DNM3: variants seen among roughly 807,000 people sequenced by gnomAD.
DNM3 encodes dynamin-3.
DNM3 carries 47 observed loss-of-function variants against 101.6 expected under a neutral mutation model. The ratio of observed to expected loss-of-function variants is 0.46; its 90% CI spans 0.37 to 0.59. The LOEUF (loss-of-function observed/expected upper bound fraction) is 0.59. DNM3 is among the 20% of genes least tolerant of loss of function. The pLI, the probability that DNM3 is intolerant of heterozygous loss-of-function variation, is 0.00. For synonymous variants in DNM3, 385 were observed against 387.9 expected (o/e 0.99, Z 0.09); for missense variants, 849 against 1,085.7 (o/e 0.78, Z 3.06).
At chr1:171,980,647 C>A (rs2044720015) in intron 2 of DNM3, among the ~76,000 whole-genome samples, 1 of 152,098 alleles carries the variant, frequency 6.6e-6, no homozygotes, top group Non-Finnish European at 1.5e-5. Flanking sequence ...CACTATTCTA[C>A]TCTCTAATTC....
intron 15 of DNM3, among the ~76,000 whole-genome samples, chr1:172,256,660 T>C (rs1473723894): frequency 6.6e-6 from 1 of 151,974 alleles, no homozygotes; most frequent in East Asian, 1.9e-4. Context: ...TGTATATTTT[T>C]TCTATTCCAA....
At chr1:172,324,343 T>C (rs1220478782) in intron 17 of DNM3, among the ~76,000 whole-genome samples, 2 of 152,206 alleles carry the variant, frequency 1.3e-5, no homozygotes, top group Non-Finnish European at 2.9e-5. Context: ...GCCATACATA[T>C]AGAATGTAAA....
chr1:172,158,711 G>C (rs1212174755), intron 14 of DNM3, among the ~76,000 whole-genome samples: 1 of 151,974 alleles, frequency 6.6e-6, no homozygotes, highest in Non-Finnish European at 1.5e-5. Flanking sequence ...AAAAGATACT[G>C]TTTGGGTTTG....
rs764488489 is a variant in DNM3, at chr1:172,387,305, T to C, written c.2231T>C (p.Val744Ala). 55 of 1,613,724 alleles carry C rather than the reference T, an allele frequency of 3.4e-5. No individual in the cohort carries two copies. The highest frequency in any genetic ancestry group is 4.7e-5 in the Non-Finnish European group (55 of 1,179,848). ...ATTGGGGACATCAGCACAGCCACCGTGTCCACTCCGGCACCCCCTCCAGTG... is the reference window on the plus strand; with the variant it reads ...ATTGGGGACATCAGCACAGCCACCGCGTCCACTCCGGCACCCCCTCCAGTG... Reference protein sequence around the residue: ...GIIGDISTATVSTPAPPPVDD... With the variant: ...GIIGDISTATASTPAPPPVDD... The change falls in exon 19 of 21, where the codon GTG becomes GCG. Residue 744 changes from valine (V) to alanine (A), a missense_variant. Coordinates refer to ENST00000627582, the MANE Select transcript of DNM3 (RefSeq NM_015569.5).
chr1:171,873,868 C>T (rs1051012005), intron 1 of DNM3, among the ~76,000 whole-genome samples: 3 of 152,194 alleles, frequency 2.0e-5, no homozygotes, highest in African/African-American at 4.8e-5. Flanking sequence ...TCCTTTACTT[C>T]CTAATGGATT....
At chr1:172,399,784 A>G (rs1424638233) in intron 20 of DNM3, 1 of 152,128 alleles carries the variant, frequency 6.6e-6, no homozygotes. Flanking sequence ...AATAGAAGTG[A>G]CAGAAGCCTA....
chr1:172,122,316 C>T (rs890298286), intron 13 of DNM3, among the ~76,000 whole-genome samples: 1 of 152,074 alleles, frequency 6.6e-6, no homozygotes, highest in Non-Finnish European at 1.5e-5. Flanking sequence ...CTAATAGGTA[C>T]TAATCTAAAT....
chr1:171,982,781 G>A (rs2125594489), intron 2 of DNM3, among the ~76,000 whole-genome samples: 1 of 152,130 alleles, frequency 6.6e-6, no homozygotes, highest in East Asian at 1.9e-4. Flanking sequence ...TGGTTAACAA[G>A]TAAACCACAT....
intron 1 of DNM3, among the ~76,000 whole-genome samples, chr1:171,916,536 A>C (rs961015638): frequency 5.3e-5 from 8 of 152,182 alleles, no homozygotes; most frequent in African/African-American, 1.7e-4. Context: ...TCCACATCAA[A>C]GCAATCATTA....
chr1:172,213,303 T>G (rs1572972868), intron 14 of DNM3, among the ~76,000 whole-genome samples: 1 of 152,030 alleles, frequency 6.6e-6, no homozygotes, highest in African/African-American at 2.4e-5. Flanking sequence ...AATGACTTCT[T>G]TGCAGAAACT....
At chr1:171,934,758 C>T (rs1485343363) in intron 2 of DNM3, among the ~76,000 whole-genome samples, 1 of 152,176 alleles carries the variant, frequency 6.6e-6, no homozygotes, top group African/African-American at 2.4e-5. Flanking sequence ...GTGTCCAATG[C>T]AGTGACTTTG....
intron 15 of DNM3, among the ~76,000 whole-genome samples, chr1:172,298,671 G>A (rs745466800): frequency 2.0e-5 from 3 of 152,022 alleles, no homozygotes; most frequent in African/African-American, 7.2e-5. Flanking sequence ...AGAGGAAATG[G>A]AACACTCCTA....
intron 20 of DNM3, among the ~76,000 whole-genome samples, chr1:172,398,671 A>C (rs1292334883): frequency 1.3e-5 from 2 of 152,168 alleles, no homozygotes; most frequent in Non-Finnish European, 2.9e-5. Context: ...TACAGCCTCC[A>C]TGGTCAGTAC....
chr1:172,198,965 G>T (rs913301488), intron 14 of DNM3, among the ~76,000 whole-genome samples: 3 of 151,890 alleles, frequency 2.0e-5, no homozygotes, highest in African/African-American at 7.2e-5. Context: ...GGATTGATTT[G>T]TTCTTGCTTC....
At chr1:172,220,297 C>G (rs553521883) in intron 14 of DNM3, among the ~76,000 whole-genome samples, 116 of 152,250 alleles carry the variant, frequency 7.6e-4, no homozygotes, top group Non-Finnish European at 1.3e-3. Flanking sequence ...AAATACCAGC[C>G]TTCTGATATA....
intron 1 of DNM3, among the ~76,000 whole-genome samples, chr1:171,881,121 T>C (rs1467532850): frequency 3.3e-5 from 5 of 152,182 alleles, no homozygotes; most frequent in Non-Finnish European, 4.4e-5. Flanking sequence ...TTCCTAATAA[T>C]TGTATAATAA....
At chr1:172,253,512 C>T (rs1314249052) in intron 14 of DNM3, 61 bp from the exon 15 acceptor site, 1 of 928,194 alleles carries the variant, frequency 1.1e-6, no homozygotes, top group African/African-American at 1.7e-5. Context: ...CTCCTCTCCT[C>T]TCCTCTCCTC....
At chr1:171,926,799 A>G (rs2040608964) in intron 2 of DNM3, among the ~76,000 whole-genome samples, 1 of 152,230 alleles carries the variant, frequency 6.6e-6, no homozygotes, top group South Asian at 2.1e-4. Context: ...ATGAAAAAAA[A>G]TCACAGAATT....
chr1:172,355,488 G>T (rs1472834055), intron 17 of DNM3, among the ~76,000 whole-genome samples: 1 of 152,020 alleles, frequency 6.6e-6, no homozygotes, highest in South Asian at 2.1e-4. Flanking sequence ...ACATAAAATA[G>T]GTTCTACACA....
Sources: allele counts gnomAD v4.1 joint callset (sites outside exome capture counted in the v4.1 genomes callset), GRCh38; gene constraint gnomAD v4.1.1; transcripts MANE v1.5; gene names NCBI Gene and HGNC (gene_info 2026-07-23, HGNC 2026-07-21).